The following FERMT1 variants were observed in gnomAD, a reference collection of about 807,000 sequenced individuals.
FERMT1 encodes the protein fermitin family homolog 1.
In FERMT1, 60 loss-of-function variants were observed where a neutral mutation model predicts 85.3. The observed-to-expected ratio is 0.70, with a 90% CI of 0.57 to 0.87. The LOEUF (loss-of-function observed/expected upper bound fraction) is 0.87. Among genes scored for constraint, FERMT1 ranks in the 40% least tolerant of loss-of-function variants. The pLI is 0.00. For missense variants in FERMT1, 701 were observed against 818.9 expected, an observed-to-expected ratio of 0.86 and a Z score of 1.76; for synonymous variants, 275 against 301.1, an observed-to-expected ratio of 0.91 and a Z score of 0.90.
At chr20:6,121,304 TAG>T (rs1983268697) in intron 1 of FERMT1, among the ~76,000 whole-genome samples, 1 of 152,066 alleles carries the variant, frequency 6.6e-6, no homozygotes, top group Non-Finnish European at 1.5e-5. Context: ...GTATTTTTAG[TAG>T]AGACAGGGTT....
intron 8 of FERMT1, 35 bp from the exon 9 acceptor site, chr20:6,095,023 A>G: frequency 8.1e-7 from 1 of 1,227,690 alleles, no homozygotes. Context: ...AAAAGCAGGA[A>G]CTTCATAAGT....
chr20:6,077,355 G>C lies in FERMT1; in HGVS notation c.1861-9C>G, dbSNP rs1366847532. 1.2e-6 allele frequency: 2 copies of C among 1,613,950 alleles called. No individual in the cohort carries two copies. The highest frequency in any genetic ancestry group is 1.6e-4 in the Middle Eastern group (1 of 6,082). ...TCAAACTCGATGACCACCTGGAAGA[G>C]GAAGGCACAGAGAAGCTTAAACTCT... On this transcript the variant is annotated splice_polypyrimidine_tract_variant and intron_variant, in intron 14 of 14. Coordinates refer to ENST00000217289, the MANE Select transcript of FERMT1 (RefSeq NM_017671.5).
Position 6,112,475 on chromosome 20 carries a change from A to G in FERMT1, c.532+2T>C. The G allele has an allele frequency of 6.2e-7, 1 of 1,613,602 alleles. No individual in the cohort carries two copies. The highest frequency in any genetic ancestry group is 8.5e-7 in the Non-Finnish European group (1 of 1,179,632). On this transcript the variant is annotated splice_donor_variant, in intron 4 of 14. Transcript: ENST00000217289. LOFTEE classifies it high-confidence loss of function. ...CAACAAAACACCTGTAACAAGTCTTACCTGATGAACCTGAAGCTGTTGGAG... is the reference window on the plus strand; with the variant it reads ...CAACAAAACACCTGTAACAAGTCTTGCCTGATGAACCTGAAGCTGTTGGAG...
chr20:6,091,032 C>T (rs921902287), intron 9 of FERMT1, among the ~76,000 whole-genome samples: 3 of 150,866 alleles, frequency 2.0e-5, no homozygotes, highest in South Asian at 2.1e-4. Context: ...GCCGTGGTGG[C>T]GTGCACCTGT....
chr20:6,117,415 C>T (rs1358325849), intron 2 of FERMT1, among the ~76,000 whole-genome samples: 14 of 145,072 alleles, frequency 9.7e-5, no homozygotes, highest in African/African-American at 2.3e-4. Context: ...ATTACAGGTG[C>T]GCACCACCAT....
chr20:6,106,422 A>C (rs150404494), intron 6 of FERMT1, among the ~76,000 whole-genome samples: 25 of 151,230 alleles, frequency 1.7e-4, no homozygotes, highest in African/African-American at 4.9e-4. Context: ...TAGATGAGAA[A>C]GGGTCTGTAC....
At position 6,077,184 on chromosome 20, in the gene FERMT1, C is replaced by T. The variant is rs756803539; in HGVS notation, c.2023G>A (p.Gly675Ser). 22 of 1,613,800 alleles carry T rather than the reference C, an allele frequency of 1.4e-5. No homozygotes were observed. The highest frequency in any genetic ancestry group is 3.4e-4 in the Middle Eastern group (2 of 5,888). ...CACGCGTGCTTGTTTCAATCCTGACCGCCGGTCAATTTGTGGAACAAGTCC... is the reference window on the plus strand; with the variant it reads ...CACGCGTGCTTGTTTCAATCCTGACTGCCGGTCAATTTGTGGAACAAGTCC... ...DEDLFHKLTGGQD is the reference protein window; with the variant it reads ...DEDLFHKLTGSQD The change falls in exon 15 of 15, where the codon GGT (glycine) becomes AGT (serine). Residue 675 changes from glycine (G) to serine (S), a missense_variant. Transcript: ENST00000217289.
At chr20:6,094,715 A>G (rs1207388436) in intron 9 of FERMT1, among the ~76,000 whole-genome samples, 1 of 152,166 alleles carries the variant, frequency 6.6e-6, no homozygotes, top group Non-Finnish European at 1.5e-5. Flanking sequence ...CCCATTTTAT[A>G]GATTGGAAAA....
chr20:6,091,432 G>GATGAAACTGTC (rs1982361449), intron 9 of FERMT1, among the ~76,000 whole-genome samples: 1 of 151,750 alleles, frequency 6.6e-6, no homozygotes, highest in South Asian at 2.1e-4. Context: ...GTTTCATCAT[G>GATGAAACTGTC]TTGGCTAGAC....
chr20:6,107,741 A>C (rs958887502), intron 5 of FERMT1, 107 bp from the exon 6 acceptor site: 5 of 642,346 alleles, frequency 7.8e-6, no homozygotes, highest in Non-Finnish European at 1.1e-5. Flanking sequence ...CTTGAACAAA[A>C]TCAGGGTATG....
intron 14 of FERMT1, among the ~76,000 whole-genome samples, chr20:6,077,932 G>A (rs1373774976): frequency 5.9e-5 from 9 of 152,068 alleles, no homozygotes; most frequent in Non-Finnish European, 7.4e-5. Context: ...TCCATGCCTC[G>A]GACCCCCAAA....
intron 6 of FERMT1, among the ~76,000 whole-genome samples, chr20:6,102,723 A>G (rs1297357809): frequency 6.7e-6 from 1 of 149,748 alleles, no homozygotes; most frequent in African/African-American, 2.5e-5. Context: ...AGAAACCTCA[A>G]GCTGGAAACC....
At chr20:6,109,599 G>A (rs1027561432) in intron 5 of FERMT1, among the ~76,000 whole-genome samples, 1 of 152,156 alleles carries the variant, frequency 6.6e-6, no homozygotes, top group Non-Finnish European at 1.5e-5. Context: ...TCATTAGAAT[G>A]CCTAAAGAGA....
chr20:6,090,193 G>A (rs1042436795), intron 9 of FERMT1, among the ~76,000 whole-genome samples: 15 of 151,992 alleles, frequency 9.9e-5, no homozygotes, highest in African/African-American at 3.6e-4. Context: ...TCCTGCCTCC[G>A]CCTCCTGAGT....
chr20:6,102,758 T>C (rs1982696383), intron 6 of FERMT1, among the ~76,000 whole-genome samples: 1 of 148,256 alleles, frequency 6.7e-6, no homozygotes, highest in African/African-American at 2.5e-5. Context: ...ACCTCTCCAC[T>C]CCTTCACTCC....
intron 8 of FERMT1, among the ~76,000 whole-genome samples, chr20:6,096,498 G>GA: frequency 6.6e-6 from 1 of 151,786 alleles, no homozygotes; most frequent in South Asian, 2.1e-4. Context: ...GATTGTCTCA[G>GA]AAAAAAGAAA....
At position 6,115,941 on chromosome 20, in the gene FERMT1, A is replaced by G. The variant is rs368160547; in HGVS notation, c.255T>C (p.Asp85=). 38 of 1,614,078 alleles carry G rather than the reference A, an allele frequency of 2.4e-5. No homozygotes were observed. Among genetic ancestry groups the G allele is most frequent in the South Asian group, 6.6e-5 (6 of 91,094 alleles). Residue 85 remains aspartate, a synonymous_variant, in exon 3 of 15, where the codon GAT becomes GAC. Transcript: ENST00000217289. ...GCTGAGGGGTGAAGAGAAGCTTTGC[A>G]TCTGCCTGGACCCCATATTTGTCCA... is the stretch of plus-strand genomic sequence containing the variant. ...WTLDKYGVQA[D]AKLLFTPQHK...
intron 6 of FERMT1, among the ~76,000 whole-genome samples, chr20:6,105,064 C>T (rs79098102): frequency 0.053 from 8,078 of 152,206 alleles, 320 homozygotes; most frequent in Middle Eastern, 0.17. Flanking sequence ...CTGGGAAAGC[C>T]TGACTCACAG....
chr20:6,089,158 G>A (rs2123107270), intron 9 of FERMT1, 69 bp from the exon 10 acceptor site: 3 of 1,480,760 alleles, frequency 2.0e-6, no homozygotes, highest in African/African-American at 1.4e-5. Flanking sequence ...CAGATTTCAA[G>A]CAGATCAGAT....
Sources: allele counts gnomAD v4.1 joint callset (sites outside exome capture counted in the v4.1 genomes callset), GRCh38; gene constraint gnomAD v4.1.1; transcripts MANE v1.5; gene names NCBI Gene and HGNC (gene_info 2026-07-23, HGNC 2026-07-21).